ANKRD18A: variants seen among roughly 807,000 people sequenced by gnomAD.
ANKRD18A encodes the protein ankyrin repeat domain 18A, also known as ankyrin repeat domain-containing protein 18A.
In ANKRD18A, 72 loss-of-function variants were observed where a neutral mutation model predicts 110.6. The ratio of observed to expected loss-of-function variants is 0.65; its 90% CI spans 0.54 to 0.79. ANKRD18A has a LOEUF of 0.79. Ranked by LOEUF, ANKRD18A falls within the 30% of genes least tolerant of loss-of-function variation. The pLI is 0.00. For missense variants in ANKRD18A, 934 were observed against 1,163.3 expected (o/e 0.80, Z 2.87); for synonymous variants, 305 against 410.3 (o/e 0.74, Z 3.10).
At chr9:38,591,439 G>A (rs1396043519) in intron 10 of ANKRD18A, among the ~76,000 whole-genome samples, 1 of 152,194 alleles carries the variant, frequency 6.6e-6, no homozygotes, top group Non-Finnish European at 1.5e-5. Context: ...ACTTCACTGG[G>A]ATGTTGGGAA....
intron 12 of ANKRD18A, among the ~76,000 whole-genome samples, chr9:38,584,452 T>C (rs1402507940): frequency 6.6e-6 from 1 of 152,202 alleles, no homozygotes; most frequent in Non-Finnish European, 1.5e-5. Flanking sequence ...TTTAGGGTGA[T>C]GAAAGTGTTC....
intron 8 of ANKRD18A, among the ~76,000 whole-genome samples, chr9:38,600,749 T>G (rs563800582): frequency 5.3e-5 from 8 of 152,196 alleles, no homozygotes; most frequent in Non-Finnish European, 1.0e-4. Context: ...CCACCGGGAA[T>G]GATGACTCCT....
At chr9:38,568,757 G>A (rs1823539829), downstream of ANKRD18A, 1 of 985,282 alleles carries the variant, frequency 1.0e-6, no homozygotes, top group Non-Finnish European at 1.2e-6. Context: ...CAGGGCCACA[G>A]AAGGCTGAGT....
chr9:38,569,488 T>C, downstream of ANKRD18A: 1 of 975,046 alleles, frequency 1.0e-6, no homozygotes, highest in Non-Finnish European at 1.2e-6. Flanking sequence ...GACTGCTGCG[T>C]GTCTCTAACT....
rs942655016 is a variant in ANKRD18A, at chr9:38,571,740, G to A, written c.*305C>T. ...GCTGACATTCAGGCAATTTGAGTAG[G>A]CCAAACTCAATAACGCTGGTGTTCA... On this transcript the variant is annotated 3_prime_UTR_variant, in exon 16 of 16. Transcript: ENST00000399703. 9.2e-5 allele frequency: 98 copies of A among 1,067,610 alleles called. No homozygotes were observed. The highest frequency in any genetic ancestry group is 4.4e-4 in the Middle Eastern group (1 of 2,286). 66.1% of individuals were successfully genotyped at this position (1,067,610 alleles called of 1,614,324 possible).
chr9:38,612,568 A>T (rs561205321), intron 3 of ANKRD18A, among the ~76,000 whole-genome samples: 4 of 138,786 alleles, frequency 2.9e-5, no homozygotes, highest in Admixed American at 1.7e-4. Flanking sequence ...CCCAGGCTGC[A>T]GTGCAGTGGC....
downstream of ANKRD18A, chr9:38,569,116 A>C (rs773489872): frequency 9.6e-5 from 95 of 985,234 alleles, no homozygotes; most frequent in East Asian, 5.7e-4. Flanking sequence ...CAGATGCAGG[A>C]ACCAAGTAGG....
Position 38,577,040 on chromosome 9 carries a change from T to G in ANKRD18A, c.2741+13A>C, listed in dbSNP as rs1353315127. ...GCTGAATTCATTTTCTATGAGTGTATGTTTTGACTTACTTCATTAATTTTT... is the reference window on the plus strand; with the variant it reads ...GCTGAATTCATTTTCTATGAGTGTAGGTTTTGACTTACTTCATTAATTTTT... On this transcript the variant is annotated intron_variant, in intron 14 of 15. Coordinates refer to ENST00000399703, the MANE Select transcript of ANKRD18A (RefSeq NM_147195.4). 13 of 1,541,876 alleles carry G rather than the reference T, an allele frequency of 8.4e-6. No homozygotes were observed. The highest frequency in any genetic ancestry group is 1.1e-5 in the Non-Finnish European group (13 of 1,143,884).
chr9:38,576,285 C>T (rs1378949712), intron 14 of ANKRD18A, among the ~76,000 whole-genome samples: 2 of 152,180 alleles, frequency 1.3e-5, no homozygotes, highest in South Asian at 2.1e-4. Context: ...TGAGGAATAA[C>T]TCAGAGCAAC....
chr9:38,605,655 C>A (rs1477683763), intron 6 of ANKRD18A, among the ~76,000 whole-genome samples: 2 of 152,102 alleles, frequency 1.3e-5, no homozygotes, highest in African/African-American at 4.8e-5. Flanking sequence ...TGCTCTGTCA[C>A]CCAGGCTGGA....
chr9:38,600,315 A>C (rs936420472), intron 8 of ANKRD18A, among the ~76,000 whole-genome samples: 1 of 152,210 alleles, frequency 6.6e-6, no homozygotes, highest in Non-Finnish European at 1.5e-5. Context: ...CAGTGAATTC[A>C]TATTTCTAGG....
rs947582982 is a variant in ANKRD18A at position 38,575,507 on chromosome 9, G to T, written c.2933C>A (p.Thr978Asn). 2 of 1,551,650 alleles carry T rather than the reference G, an allele frequency of 1.3e-6. No individual in the cohort carries two copies. Among genetic ancestry groups the T allele is most frequent in the East Asian group, 4.9e-5 (2 of 40,890 alleles). ...AIRIPTSNPQ[T>N]SNNCKNFLTE... Reference sequence around the variant, plus strand: ...CAAGAAGTTCTTGCAGTTATTTGAAGTCTGTGGGTTTGAAGTAGGAATTCT... The same window carrying T: ...CAAGAAGTTCTTGCAGTTATTTGAATTCTGTGGGTTTGAAGTAGGAATTCT... Residue 978 changes from threonine to asparagine, a missense_variant, in exon 15 of 16, where the codon ACT (threonine) becomes AAT (asparagine). Transcript: ENST00000399703.
chr9:38,569,343 C>T (rs1823556077), downstream of ANKRD18A: 4 of 984,870 alleles, frequency 4.1e-6, no homozygotes. Flanking sequence ...CAAAACCACC[C>T]ACCCGATAGC....
At chr9:38,576,650 C>T (rs1823907661) in intron 14 of ANKRD18A, among the ~76,000 whole-genome samples, 6 of 152,174 alleles carry the variant, frequency 3.9e-5, no homozygotes, top group Admixed American at 3.9e-4. Context: ...AGCAGTATCA[C>T]TTGACACTTT....
At chr9:38,610,743 C>T (rs1185074656) in intron 4 of ANKRD18A, among the ~76,000 whole-genome samples, 2 of 151,138 alleles carry the variant, frequency 1.3e-5, no homozygotes, top group East Asian at 1.9e-4. Flanking sequence ...GAAGATTTTC[C>T]CATTGCTTTC....
intron 8 of ANKRD18A, among the ~76,000 whole-genome samples, chr9:38,599,474 T>A (rs1417704086): frequency 6.6e-6 from 1 of 152,140 alleles, no homozygotes; most frequent in Non-Finnish European, 1.5e-5. Context: ...TGAATTTTTT[T>A]TTTTTTTGAG....
chr9:38,598,244 T>C (rs892605763), intron 8 of ANKRD18A, among the ~76,000 whole-genome samples: 1 of 152,252 alleles, frequency 6.6e-6, no homozygotes, highest in Non-Finnish European at 1.5e-5. Flanking sequence ...ATTTCCCTTA[T>C]GCTTATCTGG....
chr9:38,569,733 C>A (rs535034747), downstream of ANKRD18A, among the ~76,000 whole-genome samples: 110 of 152,218 alleles, frequency 7.2e-4, 2 homozygotes, highest in Admixed American at 3.0e-3. Context: ...ACAGGTGCAC[C>A]CAGGTCCTCA....
chr9:38,590,030 T>C (rs568037564), intron 10 of ANKRD18A, among the ~76,000 whole-genome samples: 1 of 152,320 alleles, frequency 6.6e-6, no homozygotes, highest in East Asian at 1.9e-4. Flanking sequence ...GTGAATCTTG[T>C]CTATTTTATG....
Sources: gnomAD v4.1 joint callset for allele counts (sites outside exome capture counted in the v4.1 genomes callset) on GRCh38, gnomAD v4.1.1 for gene constraint, MANE v1.5 for transcripts, NCBI Gene and HGNC (gene_info 2026-07-23, HGNC 2026-07-21) for gene names.